Variants in TENM3 observed in about 807,000 individuals in gnomAD.
TENM3 encodes the protein teneurin transmembrane protein 3, also known as teneurin-3.
TENM3 carries 63 observed loss-of-function variants against 255.1 expected under a neutral mutation model. The observed-to-expected ratio is 0.25, with a 90% confidence interval of 0.20 to 0.30. The LOEUF is 0.30. TENM3 is among the 10% of genes least tolerant of loss of function. The probability of loss-of-function intolerance (pLI) is 1.00; values close to 1 mark genes in which losing one functional copy is unlikely to be tolerated. For missense variants in TENM3, 2,929 were observed against 3,461.1 expected (o/e 0.85, Z 3.86); for synonymous variants, 1,306 against 1,322.3 (o/e 0.99, Z 0.27).
intron 3 of TENM3, among the ~76,000 whole-genome samples, chr4:182,437,620 A>G (rs910603323): frequency 3.3e-5 from 5 of 152,096 alleles, no homozygotes; most frequent in African/African-American, 1.2e-4. Context: ...ACATGGTGAA[A>G]CTCCATCTCC....
the TENM3 span, among the ~76,000 whole-genome samples, chr4:181,466,824 A>G: frequency 6.6e-6 from 1 of 151,924 alleles, no homozygotes; most frequent in Non-Finnish European, 1.5e-5. Context: ...TAGTCCCCTC[A>G]TATTTACATC....
At chr4:182,308,575 A>G (rs1762265396) in intron 1 of TENM3, among the ~76,000 whole-genome samples, 1 of 152,162 alleles carries the variant, frequency 6.6e-6, no homozygotes, top group African/African-American at 2.4e-5. Context: ...CCTGGCCTCA[A>G]GTGATCCTCC....
chr4:181,631,493 T>A, the TENM3 span, among the ~76,000 whole-genome samples: 24 of 152,214 alleles, frequency 1.6e-4, no homozygotes, highest in African/African-American at 5.8e-4. Flanking sequence ...GGTTTCACCA[T>A]CTTGGCCAGG....
At chr4:181,996,159 TAA>T in the TENM3 span, among the ~76,000 whole-genome samples, 220 of 138,960 alleles carry the variant, frequency 1.6e-3, no homozygotes, top group Admixed American at 1.9e-3. Context: ...TCGCTACGGT[TAA>T]AAAAAAAAAA....
chr4:182,681,696 A>G (rs530501286), intron 10 of TENM3, 118 bp from the exon 11 acceptor site: 1 of 713,628 alleles, frequency 1.4e-6, no homozygotes, highest in South Asian at 2.0e-5. Flanking sequence ...TGAAAATGGT[A>G]GATAAATATT....
the TENM3 span, among the ~76,000 whole-genome samples, chr4:181,582,548 G>A: frequency 6.6e-6 from 1 of 152,120 alleles, no homozygotes; most frequent in Admixed American, 6.5e-5. Context: ...TCGGGAGGCT[G>A]GGGCAGGAGA....
chr4:181,526,952 G>A, the TENM3 span, among the ~76,000 whole-genome samples: 1 of 152,104 alleles, frequency 6.6e-6, no homozygotes, highest in East Asian at 1.9e-4. Flanking sequence ...TAAAGTTCAT[G>A]GCCAAGTGCT....
chr4:181,494,681 T>C, the TENM3 span, among the ~76,000 whole-genome samples: 2 of 152,142 alleles, frequency 1.3e-5, no homozygotes, highest in African/African-American at 2.4e-5. Context: ...TTCAATCTAA[T>C]CAAATTATGA....
At chr4:182,077,379 CT>C in the TENM3 span, among the ~76,000 whole-genome samples, 1 of 152,144 alleles carries the variant, frequency 6.6e-6, no homozygotes, top group Non-Finnish European at 1.5e-5. Flanking sequence ...TCATGTAACA[CT>C]GTTTGTGGGA....
chr4:182,560,688 A>G (rs1367703228), intron 3 of TENM3, among the ~76,000 whole-genome samples: 1 of 152,216 alleles, frequency 6.6e-6, no homozygotes, highest in East Asian at 1.9e-4. Flanking sequence ...CTGCTTCTCC[A>G]GTTCCCATGG....
the TENM3 span, chr4:181,905,970 G>A: frequency 9.5e-6 from 5 of 529,074 alleles, 1 homozygote; most frequent in South Asian, 8.2e-5. Flanking sequence ...AGATCTGGGT[G>A]GTACATACTT....
At chr4:181,788,963 A>G in the TENM3 span, among the ~76,000 whole-genome samples, 2 of 152,116 alleles carry the variant, frequency 1.3e-5, no homozygotes, top group Non-Finnish European at 2.9e-5. Context: ...CACCAGCTCC[A>G]TTTCTGGCAA....
intron 1 of TENM3, among the ~76,000 whole-genome samples, chr4:182,183,387 C>T (rs149997380): frequency 1.0e-3 from 156 of 152,158 alleles, no homozygotes; most frequent in Middle Eastern, 6.8e-3. Context: ...CTTTCATGCT[C>T]AAAGGAGCTG....
At chr4:182,265,542 G>C (rs1213543532) in intron 1 of TENM3, among the ~76,000 whole-genome samples, 1 of 152,158 alleles carries the variant, frequency 6.6e-6, no homozygotes, top group Non-Finnish European at 1.5e-5. Flanking sequence ...TTTTGGGGAT[G>C]TGTCTTTGCC....
At chr4:182,339,044 C>T (rs1447714379) in intron 2 of TENM3, among the ~76,000 whole-genome samples, 1 of 152,136 alleles carries the variant, frequency 6.6e-6, no homozygotes, top group Non-Finnish European at 1.5e-5. Context: ...CCAGTGTTCC[C>T]CCTCACCTCT....
At chr4:181,705,925 G>C in the TENM3 span, among the ~76,000 whole-genome samples, 1 of 152,116 alleles carries the variant, frequency 6.6e-6, no homozygotes, top group East Asian at 1.9e-4. Context: ...AAGTCATTGA[G>C]CCTGGGCAAC....
chr4:182,469,529 A>G (rs1346349019), intron 3 of TENM3, among the ~76,000 whole-genome samples: 1 of 152,132 alleles, frequency 6.6e-6, no homozygotes, highest in Non-Finnish European at 1.5e-5. Context: ...AGCCTGGCCA[A>G]CATGGCGAAA....
At chr4:181,596,332 G>T in the TENM3 span, among the ~76,000 whole-genome samples, 2 of 152,124 alleles carry the variant, frequency 1.3e-5, no homozygotes, top group Non-Finnish European at 2.9e-5. Flanking sequence ...AAGCTTGCAC[G>T]GTTTGTTTGT....
At chr4:181,910,985 C>T in the TENM3 span, among the ~76,000 whole-genome samples, 19 of 152,050 alleles carry the variant, frequency 1.2e-4, no homozygotes, top group African/African-American at 4.3e-4. Context: ...AACTTTACAT[C>T]TTGGCAAACT....
Sources: allele counts gnomAD v4.1 joint callset (sites outside exome capture counted in the v4.1 genomes callset), GRCh38; gene constraint gnomAD v4.1.1; transcripts MANE v1.5; gene names NCBI Gene and HGNC (gene_info 2026-07-23, HGNC 2026-07-21).